Variants in TRPM3 observed in about 807,000 individuals in gnomAD.
The protein encoded by TRPM3 is long transient receptor potential channel 3.
In TRPM3, 77 loss-of-function variants were observed where a neutral mutation model predicts 181.2. The observed-to-expected ratio is 0.42, with a 90% CI of 0.35 to 0.51. TRPM3 has a LOEUF of 0.51. Among genes scored for constraint, TRPM3 ranks in the 20% least tolerant of loss-of-function variants. The probability of loss-of-function intolerance (pLI) is 0.01; values close to 1 mark genes in which losing one functional copy is unlikely to be tolerated. For synonymous variants in TRPM3, 745 were observed against 796.4 expected (o/e 0.94, Z 1.09); for missense variants, 1,759 against 2,196.7 (o/e 0.80, Z 3.98).
At chr9:70,752,055 C>T (rs199717964) in intron 8 of TRPM3, among the ~76,000 whole-genome samples, 14,181 of 95,184 alleles carry the variant, frequency 0.15, 771 homozygotes, top group Non-Finnish European at 0.19. Context: ...TGTGTGCGCG[C>T]GCGCGCGCAT....
chr9:71,331,479 A>G (rs2090106049), intron 1 of TRPM3, among the ~76,000 whole-genome samples: 1 of 151,832 alleles, frequency 6.6e-6, no homozygotes, highest in Admixed American at 6.6e-5. Context: ...ATTTTATATG[A>G]CTTATATTCT....
At chr9:70,660,900 T>C (rs1353088607) in intron 9 of TRPM3, among the ~76,000 whole-genome samples, 1 of 151,944 alleles carries the variant, frequency 6.6e-6, no homozygotes, top group East Asian at 1.9e-4. Flanking sequence ...TTCCAAATGA[T>C]AGAGAAAGAG....
At chr9:70,986,568 T>C (rs187752486) in intron 1 of TRPM3, among the ~76,000 whole-genome samples, 5 of 152,142 alleles carry the variant, frequency 3.3e-5, no homozygotes, top group African/African-American at 4.8e-5. Context: ...ATTATCTCCA[T>C]TTCACAGACA....
intron 1 of TRPM3, among the ~76,000 whole-genome samples, chr9:71,209,511 G>T (rs1435010365): frequency 6.6e-6 from 1 of 152,162 alleles, no homozygotes; most frequent in African/African-American, 2.4e-5. Flanking sequence ...AGGTATTGGA[G>T]CCCATCTTAT....
intron 1 of TRPM3, among the ~76,000 whole-genome samples, chr9:71,251,644 T>C (rs1201079319): frequency 6.6e-6 from 1 of 152,188 alleles, no homozygotes; most frequent in Non-Finnish European, 1.5e-5. Context: ...AGGCATGCAA[T>C]GTATAATAAT....
intron 1 of TRPM3, among the ~76,000 whole-genome samples, chr9:70,905,864 G>A (rs1201095745): frequency 1.3e-5 from 2 of 151,982 alleles, no homozygotes; most frequent in Admixed American, 1.3e-4. Flanking sequence ...CCACTTCCCG[G>A]GTAGCTGGGA....
intron 7 of TRPM3, among the ~76,000 whole-genome samples, chr9:70,771,623 T>A (rs1271820714): frequency 6.6e-6 from 1 of 152,120 alleles, no homozygotes; most frequent in Non-Finnish European, 1.5e-5. Context: ...TAGTCCCTTC[T>A]ATAAGACAAG....
intron 1 of TRPM3, among the ~76,000 whole-genome samples, chr9:71,225,723 T>A (rs1037282215): frequency 1.8e-4 from 27 of 152,174 alleles, no homozygotes; most frequent in Admixed American, 9.2e-4. Context: ...AGTGGCACCA[T>A]CTCAGCTCAC....
chr9:70,947,401 C>T (rs903073262), intron 1 of TRPM3, among the ~76,000 whole-genome samples: 2 of 152,124 alleles, frequency 1.3e-5, no homozygotes, highest in African/African-American at 4.8e-5. Context: ...TAAGAACTGC[C>T]TCCCTTCAAA....
chr9:71,228,900 A>G (rs2080867706), intron 1 of TRPM3, among the ~76,000 whole-genome samples: 1 of 152,154 alleles, frequency 6.6e-6, no homozygotes, highest in Non-Finnish European at 1.5e-5. Flanking sequence ...TCCAAACACA[A>G]TCTAAAGATT....
At chr9:71,214,793 T>C (rs561358921) in intron 1 of TRPM3, among the ~76,000 whole-genome samples, 49 of 152,110 alleles carry the variant, frequency 3.2e-4, no homozygotes, top group Non-Finnish European at 5.6e-4. Flanking sequence ...TCCATATCTC[T>C]ACTTCTGTCA....
intron 3 of TRPM3, among the ~76,000 whole-genome samples, chr9:70,855,463 C>T (rs1234721343): frequency 6.6e-6 from 1 of 152,200 alleles, no homozygotes; most frequent in Non-Finnish European, 1.5e-5. Flanking sequence ...AACTGCAGAA[C>T]AATGAATCTG....
At chr9:70,679,948 A>C (rs1055136944) in intron 9 of TRPM3, among the ~76,000 whole-genome samples, 1 of 152,292 alleles carries the variant, frequency 6.6e-6, no homozygotes, top group African/African-American at 2.4e-5. Flanking sequence ...TGGTCCCGTG[A>C]TTCTTCTGCA....
intron 1 of TRPM3, among the ~76,000 whole-genome samples, chr9:71,234,862 G>A (rs2081269718): frequency 1.3e-5 from 2 of 152,138 alleles, no homozygotes; most frequent in African/African-American, 2.4e-5. Flanking sequence ...TCTTGGTCTT[G>A]TAAAATAAAA....
chr9:71,164,885 C>A (rs973569492), intron 1 of TRPM3, among the ~76,000 whole-genome samples: 1 of 152,112 alleles, frequency 6.6e-6, no homozygotes, highest in African/African-American at 2.4e-5. Flanking sequence ...CATAAGTAAT[C>A]TTTTTGATTC....
chr9:70,926,937 G>A (rs1024349635), intron 1 of TRPM3, among the ~76,000 whole-genome samples: 2 of 152,160 alleles, frequency 1.3e-5, no homozygotes, highest in African/African-American at 4.8e-5. Flanking sequence ...TCCCATGGCA[G>A]GCATTGAATT....
At chr9:71,386,782 T>C (rs367548943) in intron 1 of TRPM3, among the ~76,000 whole-genome samples, 5 of 152,194 alleles carry the variant, frequency 3.3e-5, no homozygotes, top group African/African-American at 7.2e-5. Context: ...CTTTAATAAA[T>C]ATTCCAAAAC....
chr9:71,282,401 GA>G lies in TRPM3; in HGVS notation c.183+164251del, dbSNP rs770017545. 1.6e-4 allele frequency among the ~76,000 whole-genome samples: 11 copies of G among 70,332 alleles called. 1 individual carries two copies. Among genetic ancestry groups the G allele is most frequent in the East Asian group, 2.9e-4 (1 of 3,486 alleles). 46.1% of individuals were successfully genotyped at this position (70,332 alleles called of 152,430 possible). A position where few individuals can be genotyped will look rare whatever the true frequency, so the allele number is the denominator to read the frequency against. On this transcript the variant is annotated intron_variant, in intron 1 of 24. Coordinates refer to the TRPM3 transcript ENST00000357533. ...AAAGAAAGAAAGGAAAGAAAGAAAG[GA>G]AAAGAAAGAAAAAGAAAAAGAAAGA...
intron 1 of TRPM3, among the ~76,000 whole-genome samples, chr9:70,945,783 G>A (rs939924685): frequency 2.6e-5 from 4 of 152,116 alleles, no homozygotes; most frequent in African/African-American, 9.7e-5. Flanking sequence ...TTTGAGTTAA[G>A]TTCAAAATGT....
Sources: allele counts gnomAD v4.1 joint callset (sites outside exome capture counted in the v4.1 genomes callset), GRCh38; gene constraint gnomAD v4.1.1; transcripts MANE v1.5; gene names NCBI Gene and HGNC (gene_info 2026-07-23, HGNC 2026-07-21).